Variants in RYR3 observed in about 807,000 individuals in gnomAD.
The protein encoded by RYR3 is ryanodine receptor 3.
In RYR3, 207 loss-of-function variants were observed where a neutral mutation model predicts 584.3. The observed-to-expected ratio is 0.35, with a 90% CI of 0.32 to 0.40. RYR3 has a LOEUF of 0.40. RYR3 is among the 10% of genes least tolerant of loss of function. The pLI, the probability that RYR3 is intolerant of heterozygous loss-of-function variation, is 1.00. For synonymous variants in RYR3, 2,416 were observed against 2,248.5 expected (o/e 1.07, Z -2.11); for missense variants, 5,616 against 6,089.2 (o/e 0.92, Z 2.59).
At chr15:33,803,509 A>G (rs2076025568) in intron 69 of RYR3, among the ~76,000 whole-genome samples, 1 of 151,774 alleles carries the variant, frequency 6.6e-6, no homozygotes, top group African/African-American at 2.4e-5. Flanking sequence ...GACAGATTCC[A>G]TACTATCTTT....
chr15:33,441,683 C>A (rs560949529), intron 1 of RYR3, among the ~76,000 whole-genome samples: 1 of 152,276 alleles, frequency 6.6e-6, no homozygotes, highest in African/African-American at 2.4e-5. Context: ...CCTAGAAGTT[C>A]ATTGTTTAAA....
chr15:33,844,931 G>C lies in RYR3; in HGVS notation c.13366G>C (p.Glu4456Gln), dbSNP rs759190671. 6.2e-7 allele frequency: 1 copy of C among 1,614,010 alleles called. No individual in the cohort carries two copies. Among genetic ancestry groups the C allele is most frequent in the East Asian group, 2.2e-5 (1 of 44,874 alleles). The change falls in exon 93 of 104, where the codon GAA (glutamate) becomes CAA (glutamine). Residue 4456 changes from glutamate (E) to glutamine (Q), a missense_variant. Around this residue, in one of 9 missense-constraint regions of RYR3, gnomAD observed 918 missense variants for 887.4 expected, o/e 1.03. Transcript: ENST00000634891. Reference protein sequence around the residue: ...ANLWNSFNDEEEEEAMVFFVL... With the variant: ...ANLWNSFNDEQEEEAMVFFVL... ...CCTATGGAATTCCTTTAATGACGAG[G>C]AAGAGGAAGAAGCGATGGTATTCTT...
chr15:33,529,166 G>C (rs941835504), intron 3 of RYR3, among the ~76,000 whole-genome samples: 2 of 152,166 alleles, frequency 1.3e-5, no homozygotes, highest in African/African-American at 4.8e-5. Flanking sequence ...TTAAAATATT[G>C]TGAAGAGCAT....
chr15:33,844,746 A>G (rs1253269745), intron 92 of RYR3, 116 bp from the exon 93 acceptor site: 1 of 857,728 alleles, frequency 1.2e-6, no homozygotes, highest in African/African-American at 1.7e-5. Flanking sequence ...TTCAGCAAGT[A>G]ATGTTGAGTC....
At chr15:33,842,120 G>A (rs2078409421) in intron 91 of RYR3, 85 bp downstream of exon 91, 3 of 1,415,944 alleles carry the variant, frequency 2.1e-6, no homozygotes, top group South Asian at 2.6e-5. Context: ...TTGTTTCACT[G>A]TTTGGTCAGT....
chr15:33,791,582 A>T (rs1163010561), intron 67 of RYR3, among the ~76,000 whole-genome samples: 1 of 152,146 alleles, frequency 6.6e-6, no homozygotes, highest in Non-Finnish European at 1.5e-5. Flanking sequence ...CACCAGGGAG[A>T]TGCGGGGTGA....
chr15:33,857,031 G>A (rs1308077490), intron 98 of RYR3, among the ~76,000 whole-genome samples: 1 of 152,078 alleles, frequency 6.6e-6, no homozygotes, highest in African/African-American at 2.4e-5. Flanking sequence ...AGCTCTGTAT[G>A]AACAATAACA....
At chr15:33,378,881 C>G (rs2141167763) in intron 1 of RYR3, among the ~76,000 whole-genome samples, 1 of 152,102 alleles carries the variant, frequency 6.6e-6, no homozygotes, top group Admixed American at 6.5e-5. Context: ...AGGAGGATTG[C>G]TTAAGCCCAG....
chr15:33,621,339 G>T (rs2060715013), intron 19 of RYR3, among the ~76,000 whole-genome samples: 1 of 152,202 alleles, frequency 6.6e-6, no homozygotes, highest in Non-Finnish European at 1.5e-5. Context: ...AATGAGAAGA[G>T]AGAGGCAGAA....
At chr15:33,598,231 GA>G (rs1344831337) in intron 16 of RYR3, among the ~76,000 whole-genome samples, 83 of 16,756 alleles carry the variant, frequency 5.0e-3, no homozygotes, top group African/African-American at 0.024. Flanking sequence ...TAACTGAGAA[GA>G]AAAAAAAATT....
At chr15:33,464,497 T>TAC (rs1567295885) in intron 1 of RYR3, among the ~76,000 whole-genome samples, 1 of 98,402 alleles carries the variant, frequency 1.0e-5, no homozygotes, top group African/African-American at 4.5e-5. Context: ...TATACACATA[T>TAC]ATATATACAT....
chr15:33,671,489 A>G lies in RYR3; in HGVS notation c.5860+933A>G, dbSNP rs150445062. Among the ~76,000 whole-genome samples, 8 of 152,248 alleles carry G rather than the reference A, an allele frequency of 5.3e-5. No homozygotes were observed. The East Asian group carries it at 1.5e-3, about 29-fold the overall frequency. ...TTACTGCCCTTTATATCGACCTTTC[A>G]ACTTTGTCAGAATATCTCTGAAGGG... On this transcript the variant is annotated intron_variant, in intron 38 of 103. Coordinates refer to ENST00000634891, the MANE Select transcript of RYR3 (RefSeq NM_001036.6).
In RYR3 at chr15:33,854,767, C is replaced by T; in HGVS notation, c.13862C>T (p.Ser4621Phe). Residue 4621 changes from serine to phenylalanine, a missense_variant and splice_region_variant, in exon 98 of 104, where the codon TCC (serine) becomes TTC (phenylalanine). Coordinates refer to ENST00000634891, the MANE Select transcript of RYR3 (RefSeq NM_001036.6). Reference protein sequence around the residue: ...WKLGVVFTDNSFLYLAWYTTM... With the variant: ...WKLGVVFTDNFFLYLAWYTTM... The stretch of plus-strand genomic sequence containing the variant: ...AAGTCTGCTTTCTTCCATTCCCAGT[C>T]CTTTCTCTACCTTGCCTGGTATACA... 6.2e-7 allele frequency: 1 copy of T among 1,601,096 alleles called. No individual in the cohort carries two copies. Among genetic ancestry groups the T allele is most frequent in the Non-Finnish European group, 8.5e-7 (1 of 1,176,154 alleles).
Position 33,603,130 on chromosome 15 carries a change from C to T in RYR3, c.1930C>T (p.Pro644Ser). 5 of 1,613,684 alleles carry T rather than the reference C, an allele frequency of 3.1e-6. No individual in the cohort carries two copies. The highest frequency in any genetic ancestry group is 3.3e-4 in the Middle Eastern group (2 of 6,060). ...GCCCATGTTTACTTTCAGTATCCGG[C>T]CAAACATCTTCCTGGGAGTCGCGGA... ...RLINDVTSIR[P>S]NIFLGVAEGS... is the part of the protein sequence containing the mutation. The change falls in exon 18 of 104, where the codon CCA becomes TCA. Residue 644 changes from proline to serine, a missense_variant. By Grantham distance (74) the Pro-to-Ser change is moderately conservative. This residue lies in a region of RYR3 where 1,284 missense variants were observed against 1,344.6 expected (regional missense o/e 0.95). Coordinates refer to ENST00000634891, the MANE Select transcript of RYR3 (RefSeq NM_001036.6).
chr15:33,530,785 T>G, intron 4 of RYR3, 119 bp downstream of exon 4: 1 of 731,318 alleles, frequency 1.4e-6, no homozygotes, highest in Non-Finnish European at 2.4e-6. Flanking sequence ...ATAACTAATT[T>G]TAGCACGTTA....
intron 1 of RYR3, among the ~76,000 whole-genome samples, chr15:33,370,113 T>G (rs2040221375): frequency 6.6e-6 from 1 of 152,224 alleles, no homozygotes; most frequent in South Asian, 2.1e-4. Context: ...TGTAGGAGTC[T>G]TGATACCATG....
chr15:33,348,509 CTT>C (rs1159139663), intron 1 of RYR3, among the ~76,000 whole-genome samples: 1 of 152,096 alleles, frequency 6.6e-6, no homozygotes, highest in African/African-American at 2.4e-5. Flanking sequence ...GAGTTTCACT[CTT>C]TTTGCCCAGG....
intron 1 of RYR3, among the ~76,000 whole-genome samples, chr15:33,433,285 T>C (rs1481890047): frequency 2.6e-5 from 4 of 152,182 alleles, no homozygotes; most frequent in African/African-American, 9.7e-5. Flanking sequence ...TATCTTTGTT[T>C]GATTTGGCTT....
chr15:33,656,171 A>T (rs142211967), intron 32 of RYR3, among the ~76,000 whole-genome samples: 145 of 152,374 alleles, frequency 9.5e-4, no homozygotes, highest in Non-Finnish European at 1.8e-3. Context: ...TTCCTGTGCC[A>T]TGACCTTCAC....
Sources: gnomAD v4.1 joint callset for allele counts (sites outside exome capture counted in the v4.1 genomes callset) on GRCh38, gnomAD v4.1.1 for gene constraint, gnomAD v4.1.1 regional missense constraint, MANE v1.5 for transcripts, NCBI Gene and HGNC (gene_info 2026-07-23, HGNC 2026-07-21) for gene names.